Variants in ELAVL4 observed in about 807,000 individuals in gnomAD.
ELAVL4 encodes ELAV-like protein 4.
Under a neutral mutation model 35.6 loss-of-function variants are expected in ELAVL4, and 1 was observed. The observed-to-expected ratio is 0.03, with a 90% CI of 0.01 to 0.13. The LOEUF (loss-of-function observed/expected upper bound fraction) is 0.13. Ranked by LOEUF, ELAVL4 falls within the 10% of genes least tolerant of loss-of-function variation. ELAVL4 has a pLI of 1.00. For synonymous variants in ELAVL4, 156 were observed against 171.0 expected (o/e 0.91, Z 0.69); for missense variants, 267 against 464.9 (o/e 0.57, Z 3.91).
chr1:50,140,513 AACT>A (rs1672645318), intron 1 of ELAVL4, among the ~76,000 whole-genome samples: 1 of 152,182 alleles, frequency 6.6e-6, no homozygotes, highest in South Asian at 2.1e-4. Context: ...ACATCTTGGC[AACT>A]TCTCTTATTT....
intron 3 of ELAVL4, among the ~76,000 whole-genome samples, chr1:50,191,673 C>G (rs1682681243): frequency 6.6e-6 from 1 of 152,070 alleles, no homozygotes; most frequent in South Asian, 2.1e-4. Flanking sequence ...ATTGAGAACA[C>G]TGCTGGGGAG....
chr1:50,127,223 G>A lies in ELAVL4; in HGVS notation c.10-17734G>A, dbSNP rs543145855. ...CCTCTGATAGCTGATCCATTCAGTG[G>A]GCATTGGTTGAATTCCCCATGTACT... On this transcript the variant is annotated intron_variant, in intron 1 of 6. Coordinates refer to ENST00000371824, the MANE Select transcript of ELAVL4 (RefSeq NM_001144774.3). Among the ~76,000 whole-genome samples the A allele has an allele frequency of 8.2e-4, 124 of 152,140 alleles. 1 individual carries two copies. The highest frequency in any genetic ancestry group is 2.9e-3 in the African/African-American group (120 of 41,516).
chr1:50,048,154 C>T lies in ELAVL4; in HGVS notation c.-11C>T, dbSNP rs1011960423. On this transcript the variant is annotated 5_prime_UTR_variant, in exon 1 of 7. Transcript: ENST00000448907. ...CTCCGCAGCCTCGGGCCGGATCGCC[C>T]GGCGGGGAAGATGCGCCTCAAGAAC... 41 of 1,521,710 alleles carry T rather than the reference C, an allele frequency of 2.7e-5. No individual in the cohort carries two copies. The African/African-American group carries it at 4.8e-4, about 18-fold the overall frequency. 94.3% of individuals were successfully genotyped at this position (1,521,710 alleles called of 1,614,324 possible). A position where few individuals can be genotyped will look rare whatever the true frequency, so the allele number is the denominator to read the frequency against.
chr1:50,079,077 A>G (rs6688605), intron 1 of ELAVL4, among the ~76,000 whole-genome samples: 69,211 of 151,974 alleles, frequency 0.46, 18,843 homozygotes, highest in Non-Finnish European at 0.62. Flanking sequence ...CAGTTTCTGC[A>G]ACTTTTAATT....
At chr1:50,134,727 G>A (rs1192056041) in intron 1 of ELAVL4, among the ~76,000 whole-genome samples, 2 of 152,100 alleles carry the variant, frequency 1.3e-5, no homozygotes, top group Admixed American at 1.3e-4. Flanking sequence ...CCGAATTGTG[G>A]GGGATGAAGG....
At chr1:50,165,518 TAC>T (rs1449514632) in intron 2 of ELAVL4, among the ~76,000 whole-genome samples, 1 of 149,936 alleles carries the variant, frequency 6.7e-6, no homozygotes, top group Non-Finnish European at 1.5e-5. Context: ...TATGCATATA[TAC>T]GTATATACAT....
At chr1:50,120,097 A>G (rs1367385315) in intron 1 of ELAVL4, among the ~76,000 whole-genome samples, 1 of 151,810 alleles carries the variant, frequency 6.6e-6, no homozygotes, top group East Asian at 1.9e-4. Flanking sequence ...TGTTGCATAT[A>G]AACCATATTC....
chr1:50,159,631 G>C (rs1000016218), intron 2 of ELAVL4, among the ~76,000 whole-genome samples: 10 of 151,766 alleles, frequency 6.6e-5, no homozygotes, highest in African/African-American at 2.2e-4. Flanking sequence ...AAAAATGGGG[G>C]GCTCTTTTTA....
intron 1 of ELAVL4, among the ~76,000 whole-genome samples, chr1:50,071,263 C>T (rs1405095885): frequency 1.3e-5 from 2 of 152,158 alleles, no homozygotes; most frequent in Non-Finnish European, 2.9e-5. Context: ...GTTTGTGCTA[C>T]CTTCATTTGA....
chr1:50,149,720 T>C (rs1674431044), intron 2 of ELAVL4, among the ~76,000 whole-genome samples: 1 of 151,936 alleles, frequency 6.6e-6, no homozygotes, highest in African/African-American at 2.4e-5. Context: ...ATTTTTGTAT[T>C]TTTAGTAGAG....
chr1:50,148,465 C>T (rs749732763), intron 2 of ELAVL4, among the ~76,000 whole-genome samples: 6 of 152,168 alleles, frequency 3.9e-5, no homozygotes, highest in Non-Finnish European at 8.8e-5. Context: ...AGAGTAGAAC[C>T]AAATTTACTG....
At chr1:50,137,568 C>T (rs908941871) in intron 1 of ELAVL4, among the ~76,000 whole-genome samples, 1 of 151,806 alleles carries the variant, frequency 6.6e-6, no homozygotes, top group Non-Finnish European at 1.5e-5. Context: ...TTTAAGGGAG[C>T]TTTAAATACA....
intron 1 of ELAVL4, among the ~76,000 whole-genome samples, chr1:50,111,374 C>G (rs528952178): frequency 6.6e-6 from 1 of 151,926 alleles, no homozygotes; most frequent in East Asian, 1.9e-4. Context: ...TAGTGAACTC[C>G]CACAGCTGAT....
At chr1:50,137,976 TA>T (rs1187825972) in intron 1 of ELAVL4, among the ~76,000 whole-genome samples, 2 of 152,220 alleles carry the variant, frequency 1.3e-5, no homozygotes, top group Non-Finnish European at 2.9e-5. Flanking sequence ...GAGTCCTTTT[TA>T]TACCAGTAAG....
intron 2 of ELAVL4, among the ~76,000 whole-genome samples, chr1:50,169,655 G>T (rs1250640183): frequency 3.3e-5 from 5 of 152,112 alleles, no homozygotes; most frequent in African/African-American, 1.2e-4. Flanking sequence ...ATATCTGTGG[G>T]ATAAATGTAG....
intron 4 of ELAVL4, 113 bp from the exon 5 acceptor site, chr1:50,195,448 G>T: frequency 8.7e-7 from 1 of 1,147,386 alleles, no homozygotes; most frequent in African/African-American, 1.5e-5. Flanking sequence ...CTCAGCCCTG[G>T]CACCACAGGT....
At chr1:50,190,415 A>G (rs969235041) in intron 3 of ELAVL4, among the ~76,000 whole-genome samples, 3 of 152,222 alleles carry the variant, frequency 2.0e-5, no homozygotes, top group Non-Finnish European at 4.4e-5. Context: ...TAGGATGAAC[A>G]TTTGGATATT....
chr1:50,187,951 T>C (rs1437446544), intron 3 of ELAVL4, among the ~76,000 whole-genome samples: 3 of 152,102 alleles, frequency 2.0e-5, no homozygotes, highest in African/African-American at 7.2e-5. Context: ...TAAAATTAGC[T>C]GGGCATGGTG....
At chr1:50,051,987 T>C (rs1209822736) in intron 1 of ELAVL4, among the ~76,000 whole-genome samples, 3 of 152,120 alleles carry the variant, frequency 2.0e-5, no homozygotes, top group Admixed American at 1.3e-4. Context: ...CGGCCTAATC[T>C]CTTCTTTAAG....
Sources: allele counts gnomAD v4.1 joint callset (sites outside exome capture counted in the v4.1 genomes callset), GRCh38; gene constraint gnomAD v4.1.1; transcripts MANE v1.5; gene names NCBI Gene and HGNC (gene_info 2026-07-23, HGNC 2026-07-21).